The following PFKFB2 variants were observed in gnomAD, a reference collection of about 807,000 sequenced individuals.
PFKFB2 encodes the protein 6-phosphofructo-2-kinase/fructose-2,6-bisphosphatase 2.
PFKFB2 carries 53 observed loss-of-function variants against 68.0 expected under a neutral mutation model. The ratio of observed to expected loss-of-function variants is 0.78; its 90% CI spans 0.63 to 0.98. The LOEUF (loss-of-function observed/expected upper bound fraction) is 0.98. Ranked by LOEUF, PFKFB2 falls within the 50% of genes least tolerant of loss-of-function variation. The pLI, the probability that PFKFB2 is intolerant of heterozygous loss-of-function variation, is 0.00. For synonymous variants in PFKFB2, 222 were observed against 227.6 expected, an observed-to-expected ratio of 0.98 and a Z score of 0.22; for missense variants, 451 against 642.0, an observed-to-expected ratio of 0.70 and a Z score of 3.22.
intron 2 of PFKFB2, among the ~76,000 whole-genome samples, chr1:207,057,368 C>T (rs913741036): frequency 2.1e-5 from 3 of 143,478 alleles, no homozygotes; most frequent in Non-Finnish European, 3.0e-5. Flanking sequence ...GTCCCAGCTA[C>T]TCGGGAAGCT....
chr1:207,043,800 T>TAGCC (rs1682528933), intron 2 of PFKFB2: 1 of 152,634 alleles, frequency 6.6e-6, no homozygotes, highest in African/African-American at 2.4e-5. Flanking sequence ...TTGAGTAAAA[T>TAGCC]AGCCGTTCAG....
chr1:207,068,549 C>A lies in PFKFB2; in HGVS notation c.987+240C>A, dbSNP rs535920186. 2.0e-5 allele frequency among the ~76,000 whole-genome samples: 3 copies of A among 152,192 alleles called. No individual in the cohort carries two copies. In the East Asian group the frequency reaches 5.8e-4, roughly 29 times the overall value. On this transcript the variant is annotated intron_variant, in intron 10 of 14. Coordinates refer to ENST00000367080, the MANE Select transcript of PFKFB2 (RefSeq NM_006212.2). ...GGACCCAAACCAATTTTTGAGCCAG[C>A]CTTTCTGGCACCTGGGGAAAGTAGG...
Position 207,072,817 on chromosome 1 carries a change from A to G in PFKFB2, c.*446A>G, listed in dbSNP as rs765644879. ...TTTTTCCTTCACTTTTGTCTCTTCA[A>G]TGTGTGTTTTCCTCACACTCCTTAC... On this transcript the variant is annotated 3_prime_UTR_variant, in exon 15 of 15. Transcript: ENST00000367080. 55 of 993,092 alleles carry G rather than the reference A, an allele frequency of 5.5e-5. No individual in the cohort carries two copies. The highest frequency in any genetic ancestry group is 9.0e-5 in the South Asian group (2 of 22,220). 61.5% of individuals were successfully genotyped at this position (993,092 alleles called of 1,614,324 possible).
rs1261481371 is a variant in PFKFB2, at chr1:207,077,313, G to A, written c.*4942G>A. ...TTAATCTAGTAAGTAAAAATGAGAA[G>A]AAAATTTGGCATTTAAAAATTGATT... On this transcript the variant is annotated 3_prime_UTR_variant, in exon 15 of 15. Transcript: ENST00000367080. 2.0e-6 allele frequency: 2 copies of A among 985,048 alleles called. No individual in the cohort carries two copies. Among genetic ancestry groups the A allele is most frequent in the Non-Finnish European group, 2.4e-6 (2 of 829,698 alleles). 61.0% of individuals were successfully genotyped at this position (985,048 alleles called of 1,614,324 possible).
At chr1:207,064,151 T>A (rs1683212375) in intron 7 of PFKFB2, among the ~76,000 whole-genome samples, 1 of 152,064 alleles carries the variant, frequency 6.6e-6, no homozygotes, top group African/African-American at 2.4e-5. Flanking sequence ...GAGACCTAGA[T>A]GTTGGAATAG....
intron 2 of PFKFB2, among the ~76,000 whole-genome samples, chr1:207,055,452 T>C (rs1682890403): frequency 6.6e-6 from 1 of 152,182 alleles, no homozygotes; most frequent in Non-Finnish European, 1.5e-5. Flanking sequence ...TGCGAGGAGA[T>C]GAAGCATCAT....
chr1:207,075,623 C>T lies in PFKFB2; in HGVS notation c.*3252C>T, dbSNP rs956197904. On this transcript the variant is annotated 3_prime_UTR_variant, in exon 15 of 15. Coordinates refer to ENST00000367080, the MANE Select transcript of PFKFB2 (RefSeq NM_006212.2). Reference sequence around the variant, plus strand: ...TGTGAGAAATAGGTAAAGACATTAGCATTTAATCTACTGGAATAAGCTGGT... The same window carrying T: ...TGTGAGAAATAGGTAAAGACATTAGTATTTAATCTACTGGAATAAGCTGGT... 1.3e-4 allele frequency: 127 copies of T among 984,926 alleles called. No individual in the cohort carries two copies. The highest frequency in any genetic ancestry group is 3.7e-4 in the Admixed American group (6 of 16,256). 61.0% of individuals were successfully genotyped at this position (984,926 alleles called of 1,614,324 possible).
At chr1:207,069,378 TG>T in intron 10 of PFKFB2, 45 bp from the exon 11 acceptor site, 1 of 1,258,720 alleles carries the variant, frequency 7.9e-7, no homozygotes, top group Non-Finnish European at 1.2e-6. Flanking sequence ...GGGGCTGGTG[TG>T]GTACAGTCTA....
In PFKFB2 at chr1:207,063,154, T is replaced by C; in HGVS notation, c.320T>C (p.Leu107Pro). 6.2e-7 allele frequency: 1 copy of C among 1,614,030 alleles called. No homozygotes were observed. The highest frequency in any genetic ancestry group is 8.5e-7 in the Non-Finnish European group (1 of 1,179,858). ...EAMKIRKQCALVALEDVKAYL... is the reference protein window; with the variant it reads ...EAMKIRKQCAPVALEDVKAYL... The stretch of plus-strand genomic sequence containing the variant: ...TGCTCTTATGGCAGACAGTGTGCTC[T>C]GGTGGCGCTGGAAGATGTTAAGGCG... The change falls in exon 5 of 15, where the codon CTG becomes CCG. Residue 107 changes from leucine (L) to proline (P), a missense_variant. Physicochemically the swap from Leu to Pro is moderately conservative, Grantham distance 98. Transcript: ENST00000367080. The surrounding 1 kb of genome is among the most constrained non-coding windows in gnomAD (Gnocchi z 4.1).
rs923718972 is a variant in PFKFB2, at chr1:207,073,353, C to G, written c.*982C>G. Reference sequence around the variant, plus strand: ...TCAGGTTCTTTGCCAATCACAGCAACTTTTCCTGCCAAAGCCAGTATCCTC... The same window carrying G: ...TCAGGTTCTTTGCCAATCACAGCAAGTTTTCCTGCCAAAGCCAGTATCCTC... On this transcript the variant is annotated 3_prime_UTR_variant, in exon 15 of 15. Coordinates refer to ENST00000367080, the MANE Select transcript of PFKFB2 (RefSeq NM_006212.2). The G allele has an allele frequency of 4.1e-6, 4 of 985,266 alleles. No homozygotes were observed. In the Admixed American group the frequency reaches 1.8e-4, roughly 45 times the overall value. 61.0% of individuals were successfully genotyped at this position (985,266 alleles called of 1,614,324 possible).
chr1:207,049,179 T>G, upstream of PFKFB2: 1 of 1,614,102 alleles, frequency 6.2e-7, no homozygotes, highest in Non-Finnish European at 8.5e-7. Flanking sequence ...ATTCCAGTGC[T>G]TGTACAAGAA....
intron 1 of PFKFB2, among the ~76,000 whole-genome samples, chr1:207,039,849 T>C (rs1682444290): frequency 6.6e-6 from 1 of 152,186 alleles, no homozygotes; most frequent in Admixed American, 6.5e-5. Context: ...GTCTGGTGTG[T>C]TGTGTCCAAC....
upstream of PFKFB2, chr1:207,049,559 C>T (rs773903795): frequency 2.5e-6 from 4 of 1,614,166 alleles, no homozygotes; most frequent in East Asian, 2.2e-5. Flanking sequence ...ACTCCTCCTT[C>T]GACGACATAG....
chr1:207,039,872 C>G (rs971623246), intron 1 of PFKFB2, among the ~76,000 whole-genome samples: 1 of 152,154 alleles, frequency 6.6e-6, no homozygotes, highest in Non-Finnish European at 1.5e-5. Flanking sequence ...TTGAGGCCAG[C>G]CACTTTTCCT....
At chr1:207,060,000 T>C (rs558844126) in intron 2 of PFKFB2, among the ~76,000 whole-genome samples, 1 of 152,312 alleles carries the variant, frequency 6.6e-6, no homozygotes, top group Admixed American at 6.5e-5. Flanking sequence ...TCCCCCATCC[T>C]GTGCAGGGCC....
At chr1:207,043,412 G>C (rs1176112540) in intron 2 of PFKFB2, among the ~76,000 whole-genome samples, 1 of 152,178 alleles carries the variant, frequency 6.6e-6, no homozygotes, top group African/African-American at 2.4e-5. Context: ...TAGGGAACCT[G>C]AACTCTGGCC....
rs1683518061 is a variant in PFKFB2, at chr1:207,073,123, C to T, written c.*752C>T. On this transcript the variant is annotated 3_prime_UTR_variant, in exon 15 of 15. Coordinates refer to ENST00000367080, the MANE Select transcript of PFKFB2 (RefSeq NM_006212.2). ...GTAGACATAGGGTGAGAGTTCTTGC[C>T]TCCTTTCATGAGAAACAGTTCTAAG... is the stretch of plus-strand genomic sequence containing the variant. The T allele has an allele frequency of 1.0e-6, 1 of 985,468 alleles. No homozygotes were observed. Among genetic ancestry groups the T allele is most frequent in the Non-Finnish European group, 1.2e-6 (1 of 829,958 alleles). The allele number at this position is 985,468 out of a possible 1,614,324, so 61.0% of individuals were successfully genotyped here.
At chr1:207,078,314 C>G (rs1180599277), downstream of PFKFB2, among the ~76,000 whole-genome samples, 1 of 152,106 alleles carries the variant, frequency 6.6e-6, no homozygotes, top group Non-Finnish European at 1.5e-5. Flanking sequence ...TCCTTGTTAC[C>G]TTAACAAAGA....
At chr1:207,056,452 G>A (rs1252085786) in intron 2 of PFKFB2, among the ~76,000 whole-genome samples, 1 of 150,868 alleles carries the variant, frequency 6.6e-6, no homozygotes, top group African/African-American at 2.4e-5. Flanking sequence ...GGGCTGGGGG[G>A]CAGGATCGAT....
Sources: gnomAD v4.1 joint callset for allele counts (sites outside exome capture counted in the v4.1 genomes callset) on GRCh38, gnomAD v4.1.1 for gene constraint, Gnocchi (gnomAD v3.1) non-coding constraint, MANE v1.5 for transcripts, NCBI Gene and HGNC (gene_info 2026-07-23, HGNC 2026-07-21) for gene names.